SUSD5: variants seen among roughly 807,000 people sequenced by gnomAD.
SUSD5 encodes sushi domain containing 5, also known as sushi domain-containing protein 5.
Under a neutral mutation model 29.5 loss-of-function variants are expected in SUSD5, and 33 were observed. That is an observed-to-expected ratio of 1.12 (90% CI 0.85 to 1.49). The LOEUF (loss-of-function observed/expected upper bound fraction) is 1.49, where lower values mean the gene tolerates loss of function less well. SUSD5 is among the 40% of genes most tolerant of loss of function. The pLI is 0.00. For missense variants in SUSD5, 776 were observed against 800.6 expected (o/e 0.97, Z 0.37); for synonymous variants, 308 against 325.3 (o/e 0.95, Z 0.57).
At position 33,150,801 on chromosome 3, in the gene SUSD5, A is replaced by C. The variant is rs4361233; in HGVS notation, c.*1941T>G. 1 of 152,144 alleles carries C rather than the reference A, an allele frequency of 6.6e-6. No individual in the cohort carries two copies. The highest frequency in any genetic ancestry group is 1.5e-5 in the Non-Finnish European group (1 of 68,020). The allele number at this position is 152,144 out of a possible 1,614,324, so 9.4% of individuals were successfully genotyped here. A position where few individuals can be genotyped will look rare whatever the true frequency, so the allele number is the denominator to read the frequency against. On this transcript the variant is annotated 3_prime_UTR_variant, in exon 5 of 5. Coordinates refer to ENST00000309558, the MANE Select transcript of SUSD5 (RefSeq NM_015551.2). ...CGAATGTTTTTTTTCCTTAGGTAAA[A>C]CACCACCAACAATTTTTCAATCATA... is the stretch of plus-strand genomic sequence containing the variant.
chr3:33,180,700 C>T (rs1273549319), intron 3 of SUSD5, among the ~76,000 whole-genome samples: 6 of 151,958 alleles, frequency 3.9e-5, no homozygotes, highest in Middle Eastern at 3.4e-3. Context: ...ATTATCCAGG[C>T]GTGGTGGTGC....
chr3:33,209,673 T>C (rs1315561717), intron 2 of SUSD5, among the ~76,000 whole-genome samples: 1 of 151,718 alleles, frequency 6.6e-6, no homozygotes, highest in Non-Finnish European at 1.5e-5. Context: ...TTTTTTTCTT[T>C]TCTTTTCTTT....
chr3:33,188,360 T>C (rs1156833276), intron 3 of SUSD5, among the ~76,000 whole-genome samples: 1 of 152,184 alleles, frequency 6.6e-6, no homozygotes, highest in African/African-American at 2.4e-5. Flanking sequence ...GCTATGTGTC[T>C]TTAGGGCCCC....
chr3:33,163,961 C>T (rs966332320), intron 4 of SUSD5, among the ~76,000 whole-genome samples: 1 of 152,168 alleles, frequency 6.6e-6, no homozygotes, highest in East Asian at 1.9e-4. Flanking sequence ...GATCGCACCA[C>T]TGCACTCCAG....
intron 3 of SUSD5, among the ~76,000 whole-genome samples, chr3:33,191,643 T>C (rs2031893462): frequency 6.6e-6 from 1 of 152,012 alleles, no homozygotes; most frequent in Admixed American, 6.6e-5. Context: ...TATGAGTGTT[T>C]AAGAATTTAC....
chr3:33,189,251 G>A (rs895611024), intron 3 of SUSD5, among the ~76,000 whole-genome samples: 2 of 152,126 alleles, frequency 1.3e-5, no homozygotes, highest in Non-Finnish European at 2.9e-5. Context: ...AGGCTGAGGT[G>A]GGTGGATCAC....
intron 4 of SUSD5, among the ~76,000 whole-genome samples, chr3:33,161,702 A>G (rs2031192486): frequency 6.6e-6 from 1 of 152,186 alleles, no homozygotes; most frequent in Admixed American, 6.5e-5. Context: ...CTAACCAGCA[A>G]AAAAGACTTT....
chr3:33,208,875 A>G (rs188791882), intron 2 of SUSD5, among the ~76,000 whole-genome samples: 3 of 152,286 alleles, frequency 2.0e-5, no homozygotes, highest in African/African-American at 7.2e-5. Flanking sequence ...TACTGCTTCA[A>G]TTACATAATT....
In SUSD5 at chr3:33,167,007, T is replaced by C. The variant is rs1036721946; in HGVS notation, c.598+7879A>G. 3.3e-5 allele frequency among the ~76,000 whole-genome samples: 5 copies of C among 151,924 alleles called. No homozygotes were observed. The highest frequency in any genetic ancestry group is 1.2e-4 in the African/African-American group (5 of 41,354). ...CAGCCTGGCCAACATGGCGAAACCC[T>C]GTCTCTACTAAAAGTACAAAAATTA... On this transcript the variant is annotated intron_variant, in intron 4 of 4. Coordinates refer to ENST00000309558, the MANE Select transcript of SUSD5 (RefSeq NM_015551.2). This position sits in a 1 kb window ranked among gnomAD's most constrained non-coding sequence, Gnocchi z 4.1.
intron 2 of SUSD5, among the ~76,000 whole-genome samples, chr3:33,213,594 T>G (rs1169754909): frequency 6.6e-6 from 1 of 151,850 alleles, no homozygotes; most frequent in Non-Finnish European, 1.5e-5. Flanking sequence ...GCCAATATGG[T>G]GAAACCCCAT....
At chr3:33,155,288 C>T (rs1176733307) in intron 4 of SUSD5, among the ~76,000 whole-genome samples, 3 of 152,170 alleles carry the variant, frequency 2.0e-5, no homozygotes, top group Admixed American at 2.0e-4. Context: ...TGGGACATCA[C>T]CAGAAAGATA....
intron 1 of SUSD5, 52 bp from the exon 2 acceptor site, chr3:33,214,157 T>C (rs2032380737): frequency 1.3e-6 from 2 of 1,521,960 alleles, no homozygotes; most frequent in Non-Finnish European, 1.8e-6. Flanking sequence ...CATGGGAAGT[T>C]AGTCTCAGCA....
At chr3:33,156,141 A>G (rs1378595305) in intron 4 of SUSD5, among the ~76,000 whole-genome samples, 2 of 151,826 alleles carry the variant, frequency 1.3e-5, no homozygotes, top group Non-Finnish European at 2.9e-5. Flanking sequence ...CCCGGGTTCA[A>G]GCGATTCTCC....
At chr3:33,186,429 C>CT (rs11372293) in intron 3 of SUSD5, among the ~76,000 whole-genome samples, 37,631 of 146,282 alleles carry the variant, frequency 0.26, 5,031 homozygotes, top group East Asian at 0.42. Flanking sequence ...TCCTTTCTTT[C>CT]TTTTTTTTTT....
chr3:33,208,887 C>T (rs1367637758), intron 2 of SUSD5, among the ~76,000 whole-genome samples: 1 of 152,116 alleles, frequency 6.6e-6, no homozygotes, highest in Non-Finnish European at 1.5e-5. Flanking sequence ...TACATAATTT[C>T]AATTGGTCCA....
intron 4 of SUSD5, among the ~76,000 whole-genome samples, chr3:33,174,213 T>A (rs550734015): frequency 2.0e-5 from 3 of 152,154 alleles, no homozygotes; most frequent in Non-Finnish European, 4.4e-5. Context: ...TCCGTGGGAA[T>A]AGCCCTTGCA....
chr3:33,177,390 C>A (rs1248273103), intron 3 of SUSD5, among the ~76,000 whole-genome samples: 1 of 152,172 alleles, frequency 6.6e-6, no homozygotes, highest in Admixed American at 6.5e-5. Context: ...TATATTTCAT[C>A]AGAGTTTTAC....
In SUSD5 at chr3:33,204,627, ATTTTGTTTTG is replaced by A. The variant is rs72112093; in HGVS notation, c.409+3171_409+3180del. The stretch of plus-strand genomic sequence containing the variant: ...TGAGCCACCACACCCGGCCTGTTTT[ATTTTGTTTTG>A]TTTTGTTTTGTTTTGTTTTGTTTTG... On this transcript the variant is annotated intron_variant, in intron 3 of 4. Coordinates refer to ENST00000309558, the MANE Select transcript of SUSD5 (RefSeq NM_015551.2). This position sits in a 1 kb window ranked among gnomAD's most constrained non-coding sequence, Gnocchi z 4.5. Among the ~76,000 whole-genome samples, 5,838 of 147,906 alleles carry A rather than the reference ATTTTGTTTTG, an allele frequency of 0.039. 336 individuals carry two copies. The highest frequency in any genetic ancestry group is 0.13 in the African/African-American group (5,223 of 39,802).
At chr3:33,193,446 G>A (rs2031937056) in intron 3 of SUSD5, among the ~76,000 whole-genome samples, 1 of 152,176 alleles carries the variant, frequency 6.6e-6, no homozygotes, top group Non-Finnish European at 1.5e-5. Context: ...CAAGGTGTTA[G>A]GGGTGAGATG....
Sources: gnomAD v4.1 joint callset for allele counts (sites outside exome capture counted in the v4.1 genomes callset) on GRCh38, gnomAD v4.1.1 for gene constraint, Gnocchi (gnomAD v3.1) non-coding constraint, MANE v1.5 for transcripts, NCBI Gene and HGNC (gene_info 2026-07-23, HGNC 2026-07-21) for gene names.